PIH1D2: variants seen among roughly 807,000 people sequenced by gnomAD.
PIH1D2 encodes the protein PIH1 domain-containing protein 2.
PIH1D2 carries 25 observed loss-of-function variants against 31.2 expected under a neutral mutation model. The observed-to-expected ratio is 0.80, with a 90% CI of 0.58 to 1.12. The LOEUF is 1.12. Ranked by LOEUF, PIH1D2 falls within the 50% of genes most tolerant of loss-of-function variation. PIH1D2 has a pLI of 0.00. For missense variants in PIH1D2, 310 were observed against 356.6 expected, an observed-to-expected ratio of 0.87 and a Z score of 1.05; for synonymous variants, 116 against 119.9, an observed-to-expected ratio of 0.97 and a Z score of 0.21.
the PIH1D2 span, among the ~76,000 whole-genome samples, chr11:112,053,514 G>A: frequency 1.3e-5 from 2 of 151,852 alleles, no homozygotes; most frequent in African/African-American, 4.8e-5. Context: ...GTGCAGTGGC[G>A]TGATCTTGGC....
chr11:112,069,164 G>A (rs111773638), intron 5 of PIH1D2, among the ~76,000 whole-genome samples: 12,448 of 150,998 alleles, frequency 0.082, 1,530 homozygotes, highest in African/African-American at 0.26. Flanking sequence ...ACGCCCGGCT[G>A]ATGTTTTTTT....
In PIH1D2 at chr11:112,070,656, T is replaced by C; in HGVS notation, c.593A>G (p.Asp198Gly). ...QIRSSTMSNP[D>G]HFPQLLLPKD... ...TGGCAGTAACAGTTGAGGAAAGTGA[T>C]CTGGATTGCTCATAGTACTGCTTCG... The change falls in exon 5 of 6, where the codon GAT becomes GGT. Residue 198 changes from aspartate (D) to glycine (G), a missense_variant. Asp to Gly is a moderately conservative substitution (Grantham distance 94). Coordinates refer to ENST00000280350, the MANE Select transcript of PIH1D2 (RefSeq NM_138789.4). 6.2e-7 allele frequency: 1 copy of C among 1,614,114 alleles called. No homozygotes were observed.
Position 112,071,111 on chromosome 11 carries a change from G to T in PIH1D2, c.474C>A (p.Ser158Arg). Residue 158 changes from serine to arginine, a missense_variant, in exon 4 of 6, where the codon AGC (serine) becomes AGA (arginine). Coordinates refer to ENST00000280350, the MANE Select transcript of PIH1D2 (RefSeq NM_138789.4). ...TCAGATTTTGTTTCATTCTTTGAAT[G>T]CTTCCTTTTATTCTAAATTTGGTAA... Reference protein sequence around the residue: ...YHITKFRIKGSIQRMKQNLMG... With the variant: ...YHITKFRIKGRIQRMKQNLMG... 1 of 1,613,616 alleles carries T rather than the reference G, an allele frequency of 6.2e-7. No homozygotes were observed.
downstream of PIH1D2, among the ~76,000 whole-genome samples, chr11:112,060,231 G>A (rs1275590941): frequency 1.4e-5 from 2 of 142,634 alleles, no homozygotes; most frequent in African/African-American, 2.6e-5. Flanking sequence ...GCATGATCTC[G>A]GCTCACTGCA....
intron 2 of PIH1D2, among the ~76,000 whole-genome samples, chr11:112,072,579 G>C (rs1465884657): frequency 3.0e-5 from 1 of 33,432 alleles, no homozygotes; most frequent in South Asian, 1.2e-3. Flanking sequence ...AAAAAAAAAA[G>C]TCTGCCAGGC....
chr11:112,071,159 G>T lies in PIH1D2; in HGVS notation c.426C>A (p.Phe142Leu). ...TAATATGGTAAGAGTGTGAGAGGGT[G>T]AACTGGAATTTCTCCTCAATGCATT... ...AMKCIEEKFQFTLSHSYHITK... is the reference protein window; with the variant it reads ...AMKCIEEKFQLTLSHSYHITK... The change falls in exon 4 of 6, where the codon TTC (phenylalanine) becomes TTA (leucine). Residue 142 changes from phenylalanine to leucine, a missense_variant. Coordinates refer to ENST00000280350, the MANE Select transcript of PIH1D2 (RefSeq NM_138789.4). 6.2e-7 allele frequency: 1 copy of T among 1,613,862 alleles called. No individual in the cohort carries two copies. Among genetic ancestry groups the T allele is most frequent in the South Asian group, 1.1e-5 (1 of 91,050 alleles).
chr11:112,070,958 A>T (rs1211802417), intron 4 of PIH1D2, 80 bp downstream of exon 4: 12 of 1,450,558 alleles, frequency 8.3e-6, no homozygotes, highest in Non-Finnish European at 1.0e-5. Context: ...TAAAATAGAG[A>T]TTTCTAGTTT....
chr11:112,053,111 C>T, the PIH1D2 span, among the ~76,000 whole-genome samples: 7,688 of 152,088 alleles, frequency 0.051, 663 homozygotes, highest in African/African-American at 0.17. Flanking sequence ...CACTTGAGGT[C>T]AGGAGTTCGA....
chr11:112,073,219 C>A lies in PIH1D2; in HGVS notation c.-31-14G>T, dbSNP rs782016343. 6.8e-6 allele frequency: 10 copies of A among 1,472,596 alleles called. No individual in the cohort carries two copies. Among genetic ancestry groups the A allele is most frequent in the Non-Finnish European group, 8.3e-6 (9 of 1,081,612 alleles). 91.2% of individuals were successfully genotyped at this position (1,472,596 alleles called of 1,614,324 possible). A position where few individuals can be genotyped will look rare whatever the true frequency, so the allele number is the denominator to read the frequency against. Reference sequence around the variant, plus strand: ...ATTTTCTTAAGCCTGTGGAAAAACACGACTTCAGGAAGAAAACTGTCTGTG... The same window carrying A: ...ATTTTCTTAAGCCTGTGGAAAAACAAGACTTCAGGAAGAAAACTGTCTGTG... On this transcript the variant is annotated splice_polypyrimidine_tract_variant and intron_variant, in intron 1 of 5. Coordinates refer to ENST00000280350, the MANE Select transcript of PIH1D2 (RefSeq NM_138789.4).
intron 5 of PIH1D2, 37 bp from the exon 6 acceptor site, chr11:112,068,042 A>G: frequency 7.2e-7 from 1 of 1,386,942 alleles, no homozygotes; most frequent in Non-Finnish European, 1.0e-6. Flanking sequence ...TTTCCTGCTT[A>G]AAATTTGGGA....
downstream of PIH1D2, among the ~76,000 whole-genome samples, chr11:112,060,668 G>A (rs1864540889): frequency 6.6e-6 from 1 of 151,950 alleles, no homozygotes; most frequent in African/African-American, 2.4e-5. Context: ...GTTTCACCAT[G>A]TTGGCCAGGC....
chr11:112,060,702 A>G (rs1057502290), downstream of PIH1D2, among the ~76,000 whole-genome samples: 3 of 151,572 alleles, frequency 2.0e-5, no homozygotes, highest in East Asian at 3.9e-4. Flanking sequence ...CTGACCTCAA[A>G]TGATCCACCC....
downstream of PIH1D2, among the ~76,000 whole-genome samples, chr11:112,064,873 CTG>C (rs1424936681): frequency 7.4e-6 from 1 of 135,496 alleles, no homozygotes; most frequent in Non-Finnish European, 1.5e-5. Flanking sequence ...GAGATGGAGT[CTG>C]TGTCGCCCAG....
At chr11:112,059,019 G>C (rs1168766879), downstream of PIH1D2, among the ~76,000 whole-genome samples, 3 of 151,452 alleles carry the variant, frequency 2.0e-5, no homozygotes, top group Non-Finnish European at 2.9e-5. Context: ...AAAAGATTGG[G>C]ACTCCTTGAT....
the PIH1D2 span, among the ~76,000 whole-genome samples, chr11:112,054,772 G>A: frequency 6.6e-6 from 1 of 152,178 alleles, no homozygotes; most frequent in African/African-American, 2.4e-5. Flanking sequence ...TGAAATCAGG[G>A]TTTCAGCAGG....
intron 2 of PIH1D2, among the ~76,000 whole-genome samples, chr11:112,072,504 C>A (rs1218285356): frequency 7.2e-6 from 1 of 139,146 alleles, no homozygotes; most frequent in East Asian, 2.1e-4. Flanking sequence ...TGTGATTGTG[C>A]CACTGCACTC....
At chr11:112,060,603 C>T (rs1456092349), downstream of PIH1D2, among the ~76,000 whole-genome samples, 1 of 152,000 alleles carries the variant, frequency 6.6e-6, no homozygotes, top group Non-Finnish European at 1.5e-5. Context: ...TACAGGCATG[C>T]ACCACTGCAC....
At chr11:112,055,200 G>A in the PIH1D2 span, among the ~76,000 whole-genome samples, 1 of 150,824 alleles carries the variant, frequency 6.6e-6, no homozygotes, top group South Asian at 2.1e-4. Context: ...GCTTGCTTAA[G>A]GCATTGACAG....
chr11:112,063,545 G>T (rs587647770), downstream of PIH1D2: 1 of 152,624 alleles, frequency 6.6e-6, no homozygotes, highest in East Asian at 1.9e-4. Flanking sequence ...ATTTTGGAGT[G>T]CTTAAAAATG....
Sources: allele counts gnomAD v4.1 joint callset (sites outside exome capture counted in the v4.1 genomes callset), GRCh38; gene constraint gnomAD v4.1.1; transcripts MANE v1.5; gene names NCBI Gene and HGNC (gene_info 2026-07-23, HGNC 2026-07-21).